PRRX1: variants seen among roughly 807,000 people sequenced by gnomAD.
PRRX1 encodes the protein paired related homeobox 1.
A neutral mutation model predicts 24.0 loss-of-function variants in PRRX1; 8 were observed. That is an observed-to-expected ratio of 0.33 (90% CI 0.20 to 0.60). PRRX1 has a LOEUF of 0.60. Among genes scored for constraint, PRRX1 ranks in the 20% least tolerant of loss-of-function variants. The probability of loss-of-function intolerance (pLI) is 0.82; values close to 1 mark genes in which losing one functional copy is unlikely to be tolerated. For missense variants in PRRX1, 281 were observed against 322.4 expected, an observed-to-expected ratio of 0.87 and a Z score of 0.98; for synonymous variants, 160 against 131.7, an observed-to-expected ratio of 1.22 and a Z score of -1.47.
At chr1:170,705,147 C>T (rs1321100508) in intron 1 of PRRX1, among the ~76,000 whole-genome samples, 2 of 152,162 alleles carry the variant, frequency 1.3e-5, no homozygotes, top group African/African-American at 2.4e-5. Flanking sequence ...TTGCCACTTT[C>T]CTGCTCCATG....
At chr1:170,670,869 G>C (rs909986372) in intron 1 of PRRX1, among the ~76,000 whole-genome samples, 2 of 152,098 alleles carry the variant, frequency 1.3e-5, no homozygotes, top group African/African-American at 2.4e-5. Flanking sequence ...AGCATCTTGG[G>C]GATTCTTCTG....
chr1:170,675,094 C>T (rs1399473298), intron 1 of PRRX1, among the ~76,000 whole-genome samples: 2 of 152,176 alleles, frequency 1.3e-5, no homozygotes, highest in African/African-American at 4.8e-5. Flanking sequence ...CAAACATGCA[C>T]CACACTAACA....
At chr1:170,717,936 C>CTCCATT (rs1654959213) in intron 1 of PRRX1, among the ~76,000 whole-genome samples, 1 of 151,708 alleles carries the variant, frequency 6.6e-6, no homozygotes, top group African/African-American at 2.4e-5. Flanking sequence ...ATTAAATTTG[C>CTCCATT]TCCATTTCCA....
At chr1:170,697,741 AAT>A (rs1028609665) in intron 1 of PRRX1, among the ~76,000 whole-genome samples, 3 of 147,150 alleles carry the variant, frequency 2.0e-5, no homozygotes, top group South Asian at 2.1e-4. Flanking sequence ...TACATATATA[AAT>A]ATATATACAT....
At chr1:170,709,099 T>C (rs1204226406) in intron 1 of PRRX1, among the ~76,000 whole-genome samples, 3 of 152,202 alleles carry the variant, frequency 2.0e-5, no homozygotes, top group Admixed American at 2.0e-4. Context: ...CTCATGAAGC[T>C]ATATTCTAGT....
chr1:170,673,455 T>G (rs995354460), intron 1 of PRRX1, among the ~76,000 whole-genome samples: 19 of 152,186 alleles, frequency 1.2e-4, no homozygotes, highest in African/African-American at 3.6e-4. Flanking sequence ...TAATCTAGCC[T>G]AAGTACTAGC....
chr1:170,738,225 T>G lies in PRRX1; in HGVS notation c.*2039T>G, dbSNP rs905478447. On this transcript the variant is annotated 3_prime_UTR_variant, in exon 4 of 4. Transcript: ENST00000239461. The stretch of plus-strand genomic sequence containing the variant: ...GTAGTCTGAGTGACAGGCAAGGATT[T>G]TTGGGTTTAAGATGCACTTTTAGCA... 1.3e-5 allele frequency: 3 copies of G among 224,650 alleles called. No homozygotes were observed. Among genetic ancestry groups the G allele is most frequent in the African/African-American group, 2.2e-5 (1 of 44,904 alleles). 13.9% of individuals were successfully genotyped at this position (224,650 alleles called of 1,614,324 possible). A position where few individuals can be genotyped will look rare whatever the true frequency, so the allele number is the denominator to read the frequency against.
At chr1:170,726,650 G>C (rs1655267846) in intron 3 of PRRX1, 1 of 475,876 alleles carries the variant, frequency 2.1e-6, no homozygotes, top group Non-Finnish European at 3.7e-6. Flanking sequence ...CTCTTGCAAA[G>C]GTTTCAAAGA....
At position 170,736,197 on chromosome 1, in the gene PRRX1, T is replaced by C. The variant is rs139568481; in HGVS notation, c.*11T>C. 891 of 1,613,734 alleles carry C rather than the reference T, an allele frequency of 5.5e-4. 4 individuals carry two copies. In the African/African-American group the frequency reaches 9.8e-3, roughly 18 times the overall value. ...CCAACAGTCAACTGAGGAAAAAAAATAATTAAACAGGCCTAAGAAGAAATC... is the reference window on the plus strand; with the variant it reads ...CCAACAGTCAACTGAGGAAAAAAAACAATTAAACAGGCCTAAGAAGAAATC... On this transcript the variant is annotated 3_prime_UTR_variant, in exon 4 of 4. Coordinates refer to ENST00000239461, the MANE Select transcript of PRRX1 (RefSeq NM_022716.4).
intron 1 of PRRX1, among the ~76,000 whole-genome samples, chr1:170,719,486 C>G (rs373291029): frequency 2.0e-5 from 3 of 152,212 alleles, no homozygotes; most frequent in African/African-American, 4.8e-5. Context: ...TCTGACAGTT[C>G]AGATCTTGTC....
rs555274633 is a variant in PRRX1, at chr1:170,664,921, G to A, written c.241+462G>A. Reference sequence around the variant, plus strand: ...TCTCGGGCAGCGTATGACGGCTTGAGGGAGGGCACCAGGCACAGGGAGCAG... The same window carrying A: ...TCTCGGGCAGCGTATGACGGCTTGAAGGAGGGCACCAGGCACAGGGAGCAG... On this transcript the variant is annotated intron_variant, in intron 1 of 3. Transcript: ENST00000239461. Among the ~76,000 whole-genome samples, 5 of 152,344 alleles carry A rather than the reference G, an allele frequency of 3.3e-5. No homozygotes were observed. In the East Asian group the frequency reaches 9.7e-4, roughly 29 times the overall value.
chr1:170,732,456 C>T (rs913062087), intron 3 of PRRX1, among the ~76,000 whole-genome samples: 1 of 152,176 alleles, frequency 6.6e-6, no homozygotes, highest in African/African-American at 2.4e-5. Context: ...AGAGTACTCA[C>T]TCACTAATTC....
At position 170,704,292 on chromosome 1, in the gene PRRX1, G is replaced by T. The variant is rs1571334308; in HGVS notation, c.242-15434G>T. Among the ~76,000 whole-genome samples, 5 of 152,286 alleles carry T rather than the reference G, an allele frequency of 3.3e-5. 1 individual carries two copies. The South Asian group carries it at 1.0e-3, about 32-fold the overall frequency. ...CAACCTCTCAACGCTGGGAAGTTAT[G>T]AACACAATTAAGTTGCTCTCTCATG... On this transcript the variant is annotated intron_variant, in intron 1 of 3. Transcript: ENST00000239461.
At chr1:170,670,485 T>C (rs914319175) in intron 1 of PRRX1, among the ~76,000 whole-genome samples, 2 of 152,136 alleles carry the variant, frequency 1.3e-5, no homozygotes, top group Non-Finnish European at 2.9e-5. Flanking sequence ...TGGTTCAGGG[T>C]TGGCAGGTTT....
chr1:170,730,311 G>A (rs1293779763), intron 3 of PRRX1: 1 of 1,612,662 alleles, frequency 6.2e-7, no homozygotes. Flanking sequence ...TTTACACGAG[G>A]GGCTTCATAA....
intron 1 of PRRX1, among the ~76,000 whole-genome samples, chr1:170,686,357 G>A (rs1653742563): frequency 6.6e-6 from 1 of 152,156 alleles, no homozygotes. Context: ...AGGAGCTACA[G>A]CAGCACTGGG....
At chr1:170,686,043 T>C (rs776115959) in intron 1 of PRRX1, among the ~76,000 whole-genome samples, 1 of 152,128 alleles carries the variant, frequency 6.6e-6, no homozygotes, top group Non-Finnish European at 1.5e-5. Context: ...TGCTTCACTC[T>C]GTTATAGTTA....
At chr1:170,715,718 A>T (rs1194860084) in intron 1 of PRRX1, among the ~76,000 whole-genome samples, 1 of 152,236 alleles carries the variant, frequency 6.6e-6, no homozygotes, top group Non-Finnish European at 1.5e-5. Flanking sequence ...GAAGAATGCA[A>T]GAACATCTGG....
rs1341687752 is a variant in PRRX1, at chr1:170,705,929, CACACAT to C, written c.242-13791_242-13786del. ...ATATACCCACATAGACACACACACA[CACACAT>C]ACACACACACACACACACACACACA... is the stretch of plus-strand genomic sequence containing the variant. On this transcript the variant is annotated intron_variant, in intron 1 of 3. Transcript: ENST00000239461. Among the ~76,000 whole-genome samples, 52 of 107,664 alleles carry C rather than the reference CACACAT, an allele frequency of 4.8e-4. No homozygotes were observed. The South Asian group carries it at 4.9e-3, about 10-fold the overall frequency. 70.6% of individuals were successfully genotyped at this position (107,664 alleles called of 152,430 possible).
Sources: gnomAD v4.1 joint callset for allele counts (sites outside exome capture counted in the v4.1 genomes callset) on GRCh38, gnomAD v4.1.1 for gene constraint, MANE v1.5 for transcripts, NCBI Gene and HGNC (gene_info 2026-07-23, HGNC 2026-07-21) for gene names.